The following CCDC171 variants were observed in gnomAD, a reference collection of about 807,000 sequenced individuals.
The protein encoded by CCDC171 is coiled-coil domain-containing protein 171.
A neutral mutation model predicts 168.2 loss-of-function variants in CCDC171; 177 were observed. The ratio of observed to expected loss-of-function variants is 1.05; its 90% CI spans 0.93 to 1.19. CCDC171 has a LOEUF of 1.19. CCDC171 is among the 50% of genes most tolerant of loss of function. CCDC171 has a pLI of 0.00. For missense variants in CCDC171, 1,991 were observed against 1,539.0 expected (o/e 1.29, Z -4.91); for synonymous variants, 687 against 540.8 (o/e 1.27, Z -3.75).
At chr9:15,767,537 A>C (rs922926426) in intron 18 of CCDC171, among the ~76,000 whole-genome samples, 2 of 152,126 alleles carry the variant, frequency 1.3e-5, no homozygotes, top group African/African-American at 4.8e-5. Context: ...GTTGTGTAAC[A>C]TAACACAGTC....
chr9:15,826,943 T>C (rs2060037642), intron 21 of CCDC171, among the ~76,000 whole-genome samples: 1 of 152,246 alleles, frequency 6.6e-6, no homozygotes, highest in South Asian at 2.1e-4. Flanking sequence ...ATCAAATTTA[T>C]GAAAAGCTTT....
chr9:15,764,210 G>A (rs2056601888), intron 18 of CCDC171, among the ~76,000 whole-genome samples: 1 of 152,190 alleles, frequency 6.6e-6, no homozygotes, highest in Non-Finnish European at 1.5e-5. Context: ...GCAAATCCTT[G>A]TAAACTATGG....
intron 10 of CCDC171, among the ~76,000 whole-genome samples, chr9:15,688,089 A>T (rs920578730): frequency 8.0e-5 from 12 of 149,238 alleles, no homozygotes; most frequent in Non-Finnish European, 1.3e-4. Context: ...ATTGCACTCC[A>T]GCCTGGGCAA....
At chr9:15,746,016 T>A (rs1206318702) in intron 18 of CCDC171, among the ~76,000 whole-genome samples, 1 of 152,162 alleles carries the variant, frequency 6.6e-6, no homozygotes, top group Non-Finnish European at 1.5e-5. Context: ...CAGTAGAAAA[T>A]TTTTATCTCT....
intron 25 of CCDC171, among the ~76,000 whole-genome samples, chr9:15,953,318 A>C (rs1258251268): frequency 6.6e-6 from 1 of 152,110 alleles, no homozygotes; most frequent in Non-Finnish European, 1.5e-5. Flanking sequence ...CGGGCCTTTC[A>C]TATATATGAC....
At chr9:15,940,490 G>T (rs1231014676) in intron 25 of CCDC171, among the ~76,000 whole-genome samples, 1 of 151,890 alleles carries the variant, frequency 6.6e-6, no homozygotes, top group Admixed American at 6.6e-5. Flanking sequence ...CGGTCCCTTT[G>T]CACAAAGTCA....
chr9:15,753,088 T>C (rs2055866973), intron 18 of CCDC171, among the ~76,000 whole-genome samples: 1 of 152,112 alleles, frequency 6.6e-6, no homozygotes, highest in Non-Finnish European at 1.5e-5. Context: ...ATACGCACAG[T>C]TGTTAGAGAA....
At chr9:15,611,933 G>C (rs2043725771) in intron 6 of CCDC171, among the ~76,000 whole-genome samples, 1 of 152,194 alleles carries the variant, frequency 6.6e-6, no homozygotes, top group Non-Finnish European at 1.5e-5. Flanking sequence ...GTCTTCAGGA[G>C]ATTATTAGGT....
intron 25 of CCDC171, among the ~76,000 whole-genome samples, chr9:15,929,063 CATATTAG>C (rs1326357078): frequency 4.0e-5 from 6 of 150,986 alleles, no homozygotes; most frequent in African/African-American, 1.5e-4. Context: ...TAATATAAAA[CATATTAG>C]ATATATATTA....
chr9:16,095,869 C>CATATATATATATATATATATATATAT, the CCDC171 span, among the ~76,000 whole-genome samples: 18 of 123,840 alleles, frequency 1.5e-4, no homozygotes, highest in East Asian at 2.4e-4. Flanking sequence ...CACATAGGCA[C>CATATATATATATATATATATATATAT]ATATATATAT....
intron 18 of CCDC171, among the ~76,000 whole-genome samples, chr9:15,763,743 AGTTT>A (rs1392146724): frequency 6.6e-6 from 1 of 152,126 alleles, no homozygotes; most frequent in Non-Finnish European, 1.5e-5. Context: ...CTGTGACTGT[AGTTT>A]GTTCTTTTTC....
chr9:15,624,106 C>T (rs376597657), intron 7 of CCDC171, among the ~76,000 whole-genome samples: 1 of 152,088 alleles, frequency 6.6e-6, no homozygotes, highest in Non-Finnish European at 1.5e-5. Flanking sequence ...CTAGAGTTAA[C>T]ACTTATTAAA....
chr9:15,731,141 T>C (rs552198503), intron 16 of CCDC171, among the ~76,000 whole-genome samples: 2 of 152,226 alleles, frequency 1.3e-5, no homozygotes, highest in East Asian at 3.9e-4. Flanking sequence ...GTCACCTTAC[T>C]GTGCTTTTGA....
At chr9:15,856,941 T>C (rs1028748622) in intron 23 of CCDC171, among the ~76,000 whole-genome samples, 1 of 152,072 alleles carries the variant, frequency 6.6e-6, no homozygotes, top group African/African-American at 2.4e-5. Context: ...GGTTTTGATT[T>C]TTATTTCCTT....
chr9:15,565,692 C>A (rs78274762), intron 2 of CCDC171, among the ~76,000 whole-genome samples: 20 of 152,132 alleles, frequency 1.3e-4, no homozygotes, highest in African/African-American at 4.8e-4. Flanking sequence ...CGTAGCAGCC[C>A]TTCGTTTCTT....
intron 24 of CCDC171, among the ~76,000 whole-genome samples, chr9:15,905,051 A>T (rs1589066939): frequency 6.6e-6 from 1 of 152,220 alleles, no homozygotes; most frequent in East Asian, 1.9e-4. Context: ...AAAGAGACTT[A>T]GACTCCCACA....
chr9:16,020,315 T>C (rs754042507), intron 3 of CCDC171, among the ~76,000 whole-genome samples: 4 of 152,222 alleles, frequency 2.6e-5, no homozygotes, highest in African/African-American at 4.8e-5. Context: ...ATTATATATA[T>C]GCAAATATTC....
In CCDC171 at chr9:15,884,312, G is replaced by A. The variant is rs145106729; in HGVS notation, c.3600+9649G>A. ...ATGAAAGAACTTAGAAAATTAAATC[G>A]CACTAATAAATGTTTTTGAAATAAT... On this transcript the variant is annotated intron_variant, in intron 24 of 25. Transcript: ENST00000380701. Among the ~76,000 whole-genome samples, 817 of 152,104 alleles carry A rather than the reference G, an allele frequency of 5.4e-3. 9 individuals are homozygous for A. Among genetic ancestry groups the A allele is most frequent in the African/African-American group, 0.018 (763 of 41,502 alleles).
intron 3 of CCDC171, among the ~76,000 whole-genome samples, chr9:16,018,629 G>A (rs2133013508): frequency 6.6e-6 from 1 of 152,326 alleles, no homozygotes; most frequent in Non-Finnish European, 1.5e-5. Flanking sequence ...CCGCTGTGTT[G>A]TATAATTCCA....
Sources: gnomAD v4.1 joint callset for allele counts (sites outside exome capture counted in the v4.1 genomes callset) on GRCh38, gnomAD v4.1.1 for gene constraint, MANE v1.5 for transcripts, NCBI Gene and HGNC (gene_info 2026-07-23, HGNC 2026-07-21) for gene names.